Variants in LAMA2 observed in about 807,000 individuals in gnomAD.
LAMA2 encodes the protein laminin subunit alpha 2, also known as laminin subunit alpha-2.
A neutral mutation model predicts 364.8 loss-of-function variants in LAMA2; 269 were observed. The observed-to-expected ratio is 0.74, with a 90% CI of 0.67 to 0.82. The LOEUF (loss-of-function observed/expected upper bound fraction) is 0.82. LAMA2 is among the 40% of genes least tolerant of loss of function. The pLI is 0.00. For synonymous variants in LAMA2, 1,379 were observed against 1,370.6 expected (o/e 1.01, Z -0.14); for missense variants, 3,807 against 3,873.2 (o/e 0.98, Z 0.45).
At chr6:129,333,994 G>A (rs1207649627) in intron 29 of LAMA2, among the ~76,000 whole-genome samples, 5 of 152,086 alleles carry the variant, frequency 3.3e-5, no homozygotes, top group South Asian at 2.1e-4. Context: ...AACACAGCTG[G>A]TATAAACCGT....
intron 3 of LAMA2, among the ~76,000 whole-genome samples, chr6:129,075,863 A>C (rs1338717768): frequency 6.6e-6 from 1 of 152,012 alleles, no homozygotes; most frequent in Non-Finnish European, 1.5e-5. Context: ...TTGAGGTGGG[A>C]GGATTGCTTA....
intron 1 of LAMA2, among the ~76,000 whole-genome samples, chr6:128,989,804 A>T (rs925408379): frequency 6.6e-6 from 1 of 152,216 alleles, no homozygotes; most frequent in East Asian, 1.9e-4. Context: ...TATTTCTCAC[A>T]GTCTGGAGGC....
intron 12 of LAMA2, among the ~76,000 whole-genome samples, chr6:129,194,629 CAG>C (rs1781730953): frequency 1.3e-5 from 2 of 152,150 alleles, no homozygotes; most frequent in Non-Finnish European, 2.9e-5. Flanking sequence ...ATAACATTAA[CAG>C]GGTGTGCAAA....
intron 15 of LAMA2, among the ~76,000 whole-genome samples, chr6:129,262,630 C>CT (rs1161502371): frequency 1.3e-5 from 2 of 152,104 alleles, no homozygotes; most frequent in African/African-American, 4.8e-5. Context: ...TTCTCTCTGA[C>CT]TTCTTCATTT....
chr6:129,106,153 CTT>C (rs535577847), intron 4 of LAMA2, among the ~76,000 whole-genome samples: 15 of 140,972 alleles, frequency 1.1e-4, no homozygotes, highest in Non-Finnish European at 1.7e-4. Context: ...CTTGAAGACA[CTT>C]TTTTTTTTTT....
chr6:129,168,784 T>C (rs866941625), intron 9 of LAMA2, among the ~76,000 whole-genome samples: 23 of 143,588 alleles, frequency 1.6e-4, no homozygotes, highest in African/African-American at 6.1e-4. Flanking sequence ...ATATTGATTC[T>C]TCCTACCCAT....
chr6:128,927,587 A>G (rs368036244), intron 1 of LAMA2, among the ~76,000 whole-genome samples: 1 of 152,112 alleles, frequency 6.6e-6, no homozygotes, highest in Non-Finnish European at 1.5e-5. Flanking sequence ...GAAGTATCCC[A>G]TTCTTTCCAC....
chr6:129,279,604 G>T (rs935184793), intron 17 of LAMA2, among the ~76,000 whole-genome samples: 1 of 152,086 alleles, frequency 6.6e-6, no homozygotes, highest in Admixed American at 6.6e-5. Context: ...GCCCCACTAT[G>T]GCAGTAGCTG....
chr6:129,475,298 T>A, intron 52 of LAMA2, 92 bp from the exon 53 acceptor site: 1 of 787,198 alleles, frequency 1.3e-6, no homozygotes, highest in Non-Finnish European at 2.0e-6. Context: ...TAAAGATTTA[T>A]GATTAAAGTT....
chr6:128,935,997 TAGTG>T (rs1779788448), intron 1 of LAMA2, among the ~76,000 whole-genome samples: 1 of 152,160 alleles, frequency 6.6e-6, no homozygotes, highest in Admixed American at 6.5e-5. Flanking sequence ...TTTCTTGTGA[TAGTG>T]AGTGAGTTCT....
chr6:129,074,239 A>G (rs1376504333), intron 3 of LAMA2, among the ~76,000 whole-genome samples: 1 of 152,164 alleles, frequency 6.6e-6, no homozygotes, highest in Non-Finnish European at 1.5e-5. Context: ...TCATTTTTGC[A>G]TGATGTTTAT....
At chr6:129,118,403 G>T (rs1389862440) in intron 4 of LAMA2, among the ~76,000 whole-genome samples, 1 of 152,096 alleles carries the variant, frequency 6.6e-6, no homozygotes, top group Admixed American at 6.5e-5. Flanking sequence ...CTGTGAGTTG[G>T]TTTACGATTC....
intron 14 of LAMA2, among the ~76,000 whole-genome samples, chr6:129,253,192 C>T (rs1401133119): frequency 3.3e-5 from 5 of 152,132 alleles, no homozygotes; most frequent in East Asian, 1.9e-4. Context: ...GAGCTCTTTA[C>T]GCTTCTCGTT....
chr6:129,135,868 A>G, intron 4 of LAMA2, among the ~76,000 whole-genome samples: 1 of 152,244 alleles, frequency 6.6e-6, no homozygotes, highest in Non-Finnish European at 1.5e-5. Context: ...CTCTATTTTG[A>G]CAACTCTTCT....
rs1311958836 is a variant in LAMA2 at position 129,512,573 on chromosome 6, C to G, written c.8988+80C>G. ...AGATATCATCCATGTGTGGGAAACT[C>G]GAATATTTTGAAGCCCGGCTGTATT... On this transcript the variant is annotated intron_variant, in intron 63 of 64. Coordinates refer to ENST00000421865, the MANE Select transcript of LAMA2 (RefSeq NM_000426.4). 2.7e-6 allele frequency: 4 copies of G among 1,501,556 alleles called. No individual in the cohort carries two copies. The South Asian group carries it at 3.4e-5, about 13-fold the overall frequency. The allele number at this position is 1,501,556 out of a possible 1,614,324, so 93.0% of individuals were successfully genotyped here.
intron 1 of LAMA2, among the ~76,000 whole-genome samples, chr6:128,989,256 T>C (rs1220144792): frequency 1.3e-5 from 2 of 152,106 alleles, no homozygotes; most frequent in African/African-American, 4.8e-5. Context: ...AAATCAAATA[T>C]ATAATATGAA....
Position 129,177,686 on chromosome 6 carries a change from T to C in LAMA2, c.1307-20T>C, listed in dbSNP as rs1306654689. On this transcript the variant is annotated intron_variant, in intron 9 of 64. Transcript: ENST00000421865. ...TGTACTTGTTTTAGAAATGTTGATATGTGGCTCATCTTTCTTTAGGTTTGG... is the reference window on the plus strand; with the variant it reads ...TGTACTTGTTTTAGAAATGTTGATACGTGGCTCATCTTTCTTTAGGTTTGG... 2 of 1,612,832 alleles carry C rather than the reference T, an allele frequency of 1.2e-6. No homozygotes were observed. The highest frequency in any genetic ancestry group is 1.3e-5 in the African/African-American group (1 of 74,924).
At chr6:128,991,237 T>G (rs994591833) in intron 1 of LAMA2, among the ~76,000 whole-genome samples, 5 of 152,188 alleles carry the variant, frequency 3.3e-5, no homozygotes, top group African/African-American at 1.2e-4. Context: ...TTCCTCCTTT[T>G]TTTCCCCCTC....
At chr6:129,126,622 A>G (rs1472517359) in intron 4 of LAMA2, among the ~76,000 whole-genome samples, 1 of 152,220 alleles carries the variant, frequency 6.6e-6, no homozygotes, top group Admixed American at 6.5e-5. Flanking sequence ...AGAAAGCCAG[A>G]ATCAAAACCC....
Sources: gnomAD v4.1 joint callset for allele counts (sites outside exome capture counted in the v4.1 genomes callset) on GRCh38, gnomAD v4.1.1 for gene constraint, MANE v1.5 for transcripts, NCBI Gene and HGNC (gene_info 2026-07-23, HGNC 2026-07-21) for gene names.